RASGRP1: variants seen among roughly 807,000 people sequenced by gnomAD.
The protein encoded by RASGRP1 is RAS guanyl releasing protein 1, also known as RAS guanyl-releasing protein 1.
Under a neutral mutation model 95.1 loss-of-function variants are expected in RASGRP1, and 37 were observed. The observed-to-expected ratio is 0.39, with a 90% CI of 0.30 to 0.51. The LOEUF (loss-of-function observed/expected upper bound fraction) is 0.51. Ranked by LOEUF, RASGRP1 falls within the 20% of genes least tolerant of loss-of-function variation. RASGRP1 has a pLI of 0.80. For missense variants in RASGRP1, 711 were observed against 965.4 expected (o/e 0.74, Z 3.49); for synonymous variants, 325 against 353.4 (o/e 0.92, Z 0.90).
chr15:38,488,689 T>A lies in RASGRP1; in HGVS notation c.*1865A>T, dbSNP rs895160972. The A allele has an allele frequency of 1.3e-5, 2 of 151,928 alleles. No individual in the cohort carries two copies. Among genetic ancestry groups the A allele is most frequent in the Non-Finnish European group, 2.9e-5 (2 of 67,850 alleles). 9.4% of individuals were successfully genotyped at this position (151,928 alleles called of 1,614,324 possible). A position where few individuals can be genotyped will look rare whatever the true frequency, so the allele number is the denominator to read the frequency against. ...TGGAGAGGAGGAAGAATGAAAAAAA[T>A]TGTGTTCCATTACTGTTTTAAAAAA... On this transcript the variant is annotated 3_prime_UTR_variant, in exon 17 of 17. Coordinates refer to ENST00000310803, the MANE Select transcript of RASGRP1 (RefSeq NM_005739.4).
Position 38,490,610 on chromosome 15 carries a change from G to A in RASGRP1, c.2338C>T (p.Gln780Ter). ...AAGACATGATTGCTTTTTTCAAGCT[G>A]GAGGGATTCTATTTTCTTCTGTGCA... ...KYAQKKIESL[Q>*]LEKSNHVLAQ... The change falls in exon 17 of 17, where the codon CAG becomes TAG. Residue 780 changes from glutamine to a stop codon, truncating the protein, a stop_gained. Coordinates refer to ENST00000310803, the MANE Select transcript of RASGRP1 (RefSeq NM_005739.4). LOFTEE classifies it high-confidence loss of function. The A allele has an allele frequency of 6.2e-7, 1 of 1,613,098 alleles. No homozygotes were observed. Among genetic ancestry groups the A allele is most frequent in the Non-Finnish European group, 8.5e-7 (1 of 1,179,350 alleles).
intron 3 of RASGRP1, among the ~76,000 whole-genome samples, chr15:38,525,663 G>C (rs1167450557): frequency 6.6e-6 from 1 of 152,292 alleles, no homozygotes; most frequent in Non-Finnish European, 1.5e-5. Context: ...CCAGGGACCT[G>C]CGCCTTGGGT....
At chr15:38,542,137 T>C (rs1892889850) in intron 2 of RASGRP1, among the ~76,000 whole-genome samples, 1 of 152,074 alleles carries the variant, frequency 6.6e-6, no homozygotes, top group African/African-American at 2.4e-5. Context: ...AAGTCTTCAA[T>C]AAGCTGATAC....
intron 2 of RASGRP1, among the ~76,000 whole-genome samples, chr15:38,539,769 T>G (rs1892795600): frequency 6.6e-6 from 1 of 152,088 alleles, no homozygotes; most frequent in Non-Finnish European, 1.5e-5. Context: ...CCCCTTCCTG[T>G]GTCCATGTGT....
At chr15:38,539,381 G>A (rs1180163721) in intron 2 of RASGRP1, among the ~76,000 whole-genome samples, 2 of 152,098 alleles carry the variant, frequency 1.3e-5, no homozygotes, top group Non-Finnish European at 2.9e-5. Context: ...CTGCATGATC[G>A]ATGTTTTCTC....
At chr15:38,546,868 TC>T (rs1893124871) in intron 2 of RASGRP1, among the ~76,000 whole-genome samples, 1 of 152,140 alleles carries the variant, frequency 6.6e-6, no homozygotes, top group African/African-American at 2.4e-5. Flanking sequence ...TAATACAGCT[TC>T]CCCCCATCCA....
At chr15:38,496,730 A>G (rs1890805298) in intron 15 of RASGRP1, among the ~76,000 whole-genome samples, 1 of 152,148 alleles carries the variant, frequency 6.6e-6, no homozygotes, top group Admixed American at 6.5e-5. Context: ...CTGTGTTTAG[A>G]TAGATAGTAA....
At chr15:38,557,570 C>T (rs139510595) in intron 2 of RASGRP1, among the ~76,000 whole-genome samples, 14 of 150,902 alleles carry the variant, frequency 9.3e-5, no homozygotes, top group East Asian at 3.9e-4. Flanking sequence ...TGCATGCCTT[C>T]GGTATTTATC....
At chr15:38,562,461 C>T (rs567519132) in intron 1 of RASGRP1, among the ~76,000 whole-genome samples, 91 of 152,336 alleles carry the variant, frequency 6.0e-4, no homozygotes, top group Non-Finnish European at 1.1e-3. Flanking sequence ...GCGCCCTTCC[C>T]TTCCTGGAAG....
intron 15 of RASGRP1, among the ~76,000 whole-genome samples, chr15:38,497,608 C>T (rs1279080478): frequency 3.9e-5 from 6 of 152,186 alleles, no homozygotes; most frequent in Non-Finnish European, 1.5e-5. Context: ...TTTGCTGTCA[C>T]TGCAACCTAT....
chr15:38,497,338 C>G (rs1890833681), intron 15 of RASGRP1, among the ~76,000 whole-genome samples: 1 of 152,132 alleles, frequency 6.6e-6, no homozygotes, highest in Non-Finnish European at 1.5e-5. Context: ...ATTTAAGACT[C>G]TCTAGACTGT....
intron 2 of RASGRP1, among the ~76,000 whole-genome samples, chr15:38,557,804 G>A (rs992326443): frequency 6.6e-6 from 1 of 152,046 alleles, no homozygotes; most frequent in African/African-American, 2.4e-5. Flanking sequence ...TAGACTCAAC[G>A]GGACTTTTAC....
chr15:38,518,474 A>G, intron 4 of RASGRP1, 51 bp from the exon 5 acceptor site: 1 of 1,562,846 alleles, frequency 6.4e-7, no homozygotes, highest in South Asian at 1.2e-5. Flanking sequence ...CCAAGGACTC[A>G]CAATTTGTTG....
At chr15:38,556,510 T>C (rs1245404018) in intron 2 of RASGRP1, among the ~76,000 whole-genome samples, 2 of 152,238 alleles carry the variant, frequency 1.3e-5, no homozygotes, top group African/African-American at 2.4e-5. Context: ...CTAGAAATGC[T>C]AGCAAAATGC....
chr15:38,504,968 T>G (rs1302486981), intron 10 of RASGRP1: 1 of 152,164 alleles, frequency 6.6e-6, no homozygotes, highest in Non-Finnish European at 1.5e-5. Context: ...CAAATTAAAA[T>G]CTCTCTGAAA....
intron 14 of RASGRP1, chr15:38,499,203 T>C (rs1890914905): frequency 3.2e-6 from 2 of 618,070 alleles, no homozygotes. Context: ...GAAGAGATGG[T>C]GTCCTGGTAT....
At position 38,507,924 on chromosome 15, in the gene RASGRP1, G is replaced by A. The variant is rs763780431; in HGVS notation, c.1044C>T (p.Thr348=). 6.8e-6 allele frequency: 11 copies of A among 1,612,966 alleles called. 1 individual carries two copies. The highest frequency in any genetic ancestry group is 5.5e-5 in the South Asian group (5 of 90,734). The change falls in exon 9 of 17, where the codon ACC becomes ACT. Residue 348 remains threonine (T), a synonymous_variant. Coordinates refer to ENST00000310803, the MANE Select transcript of RASGRP1 (RefSeq NM_005739.4). ...DNYRRAYGEC[T]DFKIPILGVH... ...CACCCAGAATGGGGATCTTGAAGTC[G>A]GTGCACTCTCCATAGGCTCGCCGGT...
intron 13 of RASGRP1, 144 bp downstream of exon 13, chr15:38,500,999 A>G: frequency 1.0e-6 from 1 of 968,394 alleles, no homozygotes; most frequent in African/African-American, 1.6e-5. Context: ...TAAAAACCAC[A>G]CGCTTGAGCT....
At position 38,503,432 on chromosome 15, in the gene RASGRP1, T is replaced by C. The variant is rs767508235; in HGVS notation, c.1324-56A>G. The C allele has an allele frequency of 1.4e-5, 18 of 1,288,222 alleles. No homozygotes were observed. In the Admixed American group the frequency reaches 2.2e-4, roughly 16 times the overall value. The allele number at this position is 1,288,222 out of a possible 1,614,324, so 79.8% of individuals were successfully genotyped here. ...GACTACAATGCAATATTATAACCTA[T>C]AGCTCTTTCTTTTCCCACTACCTGA... On this transcript the variant is annotated intron_variant, in intron 10 of 16. Transcript: ENST00000310803.
Sources: allele counts gnomAD v4.1 joint callset (sites outside exome capture counted in the v4.1 genomes callset), GRCh38; gene constraint gnomAD v4.1.1; transcripts MANE v1.5; gene names NCBI Gene and HGNC (gene_info 2026-07-23, HGNC 2026-07-21).